Variants in SLC8A1 observed in about 807,000 individuals in gnomAD.
The protein encoded by SLC8A1 is sodium/calcium exchanger 1.
In SLC8A1, 18 loss-of-function variants were observed where a neutral mutation model predicts 68.3. The observed-to-expected ratio is 0.26, with a 90% confidence interval of 0.18 to 0.39. The LOEUF is 0.39. Among genes scored for constraint, SLC8A1 ranks in the 10% least tolerant of loss-of-function variants. The pLI is 1.00. For synonymous variants in SLC8A1, 475 were observed against 415.5 expected (o/e 1.14, Z -1.74); for missense variants, 985 against 1,156.7 (o/e 0.85, Z 2.15).
chr2:40,391,729 A>G (rs1324353596), intron 2 of SLC8A1, among the ~76,000 whole-genome samples: 1 of 152,012 alleles, frequency 6.6e-6, no homozygotes, highest in East Asian at 1.9e-4. Context: ...CCTGAGGGAA[A>G]ATTTAGGGGG....
intron 2 of SLC8A1, among the ~76,000 whole-genome samples, chr2:40,401,817 A>C (rs776271247): frequency 9.2e-5 from 14 of 152,200 alleles, no homozygotes; most frequent in Non-Finnish European, 1.6e-4. Context: ...TTAATTCATT[A>C]AAATGAGTAA....
At chr2:40,355,948 C>G (rs1672527467) in intron 2 of SLC8A1, among the ~76,000 whole-genome samples, 1 of 152,182 alleles carries the variant, frequency 6.6e-6, no homozygotes, top group Admixed American at 6.5e-5. Flanking sequence ...TTGGCCCCTT[C>G]AGGCACAAAC....
In SLC8A1 at chr2:40,367,484, A is replaced by G. The variant is rs765046039; in HGVS notation, c.1808+60989T>C. On this transcript the variant is annotated intron_variant, in intron 2 of 7. Coordinates refer to ENST00000406785, the Ensembl canonical transcript of SLC8A1. ...TTTGTTCCTCCTCTGCTCTTTTATA[A>G]TAAGTATTGGTAAACTGTTTCTTCC... 5.7e-4 allele frequency among the ~76,000 whole-genome samples: 87 copies of G among 152,016 alleles called. 1 individual carries two copies. The highest frequency in any genetic ancestry group is 3.7e-4 in the Non-Finnish European group (25 of 67,988).
chr2:40,428,623 A>T (rs764189317), exon 2 of SLC8A1: 1 of 1,613,834 alleles, frequency 6.2e-7, no homozygotes, highest in Non-Finnish European at 8.5e-7. Context: ...CATGATGCCA[A>T]TGCTCTCACT....
intron 1 of SLC8A1, among the ~76,000 whole-genome samples, chr2:40,463,825 TACACACACACACATACAC>T (rs1403803835): frequency 4.6e-5 from 5 of 108,276 alleles, no homozygotes; most frequent in Admixed American, 2.0e-4. Flanking sequence ...GATATATACA[TACACACACACACATACAC>T]ACACACACAC....
intron 2 of SLC8A1, among the ~76,000 whole-genome samples, chr2:40,415,097 G>T (rs1693402575): frequency 6.6e-6 from 1 of 152,164 alleles, no homozygotes; most frequent in East Asian, 1.9e-4. Context: ...GATAAGGATA[G>T]CCTATAAGGC....
At chr2:40,193,859 A>G (rs372052) in intron 2 of SLC8A1, among the ~76,000 whole-genome samples, 35,766 of 151,992 alleles carry the variant, frequency 0.24, 4,444 homozygotes, top group Middle Eastern at 0.27. Flanking sequence ...CCAGCAGCAT[A>G]CTTTAAAGAA....
At chr2:40,423,647 T>C (rs1247954376) in intron 2 of SLC8A1, among the ~76,000 whole-genome samples, 1 of 152,004 alleles carries the variant, frequency 6.6e-6, no homozygotes, top group Non-Finnish European at 1.5e-5. Context: ...TACATAATGA[T>C]ATTATAACCC....
intron 2 of SLC8A1, among the ~76,000 whole-genome samples, chr2:40,396,945 A>C (rs1687179326): frequency 6.6e-6 from 1 of 152,050 alleles, no homozygotes; most frequent in South Asian, 2.1e-4. Context: ...ATTTTGCACA[A>C]GGTTTGACAG....
intron 2 of SLC8A1, among the ~76,000 whole-genome samples, chr2:40,405,712 G>C (rs1690123747): frequency 6.6e-6 from 1 of 152,140 alleles, no homozygotes; most frequent in South Asian, 2.1e-4. Context: ...TGATTTTAAT[G>C]AGTTCCAGTG....
At chr2:40,383,547 T>A (rs1395577011) in intron 2 of SLC8A1, among the ~76,000 whole-genome samples, 2 of 152,062 alleles carry the variant, frequency 1.3e-5, no homozygotes, top group African/African-American at 4.8e-5. Context: ...AATTATCTCT[T>A]TCTAGATTTA....
chr2:40,428,150 T>A (rs1466869793), intron 2 of SLC8A1, among the ~76,000 whole-genome samples: 3 of 152,164 alleles, frequency 2.0e-5, no homozygotes, highest in Non-Finnish European at 4.4e-5. Context: ...AGAAGACCAA[T>A]TTCTCAGCCT....
chr2:40,451,677 G>C (rs1479252864), intron 1 of SLC8A1, among the ~76,000 whole-genome samples: 1 of 151,342 alleles, frequency 6.6e-6, no homozygotes. Context: ...ACCAGCCCGA[G>C]CAATTTCACT....
At chr2:40,229,300 A>T (rs2059357470) in intron 2 of SLC8A1, among the ~76,000 whole-genome samples, 2 of 152,154 alleles carry the variant, frequency 1.3e-5, no homozygotes, top group Admixed American at 6.6e-5. Context: ...GATAAAAAAT[A>T]AAAAAATGAA....
At chr2:40,248,159 G>A (rs952275682) in intron 2 of SLC8A1, among the ~76,000 whole-genome samples, 1 of 152,140 alleles carries the variant, frequency 6.6e-6, no homozygotes, top group African/African-American at 2.4e-5. Context: ...GATATGTTAA[G>A]AGGCCTGAAT....
chr2:40,164,783 T>G, intron 5 of SLC8A1, 71 bp downstream of exon 8: 1 of 1,575,854 alleles, frequency 6.3e-7, no homozygotes, highest in Non-Finnish European at 8.6e-7. Flanking sequence ...TCTTAAGCTT[T>G]GGCCAACCCT....
intron 4 of SLC8A1, among the ~76,000 whole-genome samples, chr2:40,165,221 G>T (rs907425132): frequency 2.0e-5 from 3 of 152,216 alleles, no homozygotes; most frequent in African/African-American, 7.2e-5. Context: ...CAAAAGTTCA[G>T]TTGAGGAAAA....
chr2:40,498,341 A>G (rs537108525), intron 1 of SLC8A1, among the ~76,000 whole-genome samples: 1 of 152,218 alleles, frequency 6.6e-6, no homozygotes, highest in South Asian at 2.1e-4. Flanking sequence ...TGCAAAAGTA[A>G]ATTATATGCC....
chr2:40,176,800 T>G (rs1198757138), intron 3 of SLC8A1, among the ~76,000 whole-genome samples: 1 of 152,196 alleles, frequency 6.6e-6, no homozygotes, highest in Non-Finnish European at 1.5e-5. Flanking sequence ...ACCAATTGTT[T>G]GTATGCAACT....
Sources: gnomAD v4.1 joint callset for allele counts (sites outside exome capture counted in the v4.1 genomes callset) on GRCh38, gnomAD v4.1.1 for gene constraint, MANE v1.5 for transcripts, NCBI Gene and HGNC (gene_info 2026-07-23, HGNC 2026-07-21) for gene names.